The following SEMA6D variants were observed in gnomAD, a reference collection of about 807,000 sequenced individuals.
The protein encoded by SEMA6D is semaphorin-6D.
A neutral mutation model predicts 106.6 loss-of-function variants in SEMA6D; 35 were observed. The observed-to-expected ratio is 0.33, with a 90% CI of 0.25 to 0.44. SEMA6D has a LOEUF of 0.44. Ranked by LOEUF, SEMA6D falls within the 20% of genes least tolerant of loss-of-function variation. The probability of loss-of-function intolerance (pLI) is 1.00; values close to 1 mark genes in which losing one functional copy is unlikely to be tolerated. For missense variants in SEMA6D, 1,185 were observed against 1,345.9 expected (o/e 0.88, Z 1.87); for synonymous variants, 499 against 487.7 (o/e 1.02, Z -0.31).
intron 3 of SEMA6D, among the ~76,000 whole-genome samples, chr15:47,598,104 C>A (rs1389091632): frequency 6.6e-6 from 1 of 151,904 alleles, no homozygotes; most frequent in Non-Finnish European, 1.5e-5. Flanking sequence ...GGAGATTATA[C>A]TGTAAAGCAT....
intron 3 of SEMA6D, among the ~76,000 whole-genome samples, chr15:47,596,824 C>T (rs2076546274): frequency 6.6e-6 from 1 of 151,896 alleles, no homozygotes; most frequent in South Asian, 2.1e-4. Flanking sequence ...AACTGTAAAA[C>T]TAACTAGAAG....
chr15:47,358,049 G>C (rs1382487607), intron 1 of SEMA6D, among the ~76,000 whole-genome samples: 2 of 152,146 alleles, frequency 1.3e-5, no homozygotes, highest in Admixed American at 6.5e-5. Context: ...GTAGACTTCT[G>C]ATAGTTTTAG....
intron 3 of SEMA6D, among the ~76,000 whole-genome samples, chr15:47,481,760 T>C (rs1359390022): frequency 1.3e-5 from 2 of 152,160 alleles, no homozygotes; most frequent in East Asian, 3.9e-4. Context: ...ACTCTACTGC[T>C]GGGGAGGAGC....
chr15:47,204,004 T>A (rs2141113034), intron 1 of SEMA6D, among the ~76,000 whole-genome samples: 1 of 152,322 alleles, frequency 6.6e-6, no homozygotes, highest in East Asian at 1.9e-4. Flanking sequence ...AGCTATTAAT[T>A]ACAAACCTCC....
At chr15:47,741,486 G>A (rs1373414002) in intron 1 of SEMA6D, among the ~76,000 whole-genome samples, 3 of 152,214 alleles carry the variant, frequency 2.0e-5, no homozygotes, top group African/African-American at 7.2e-5. Context: ...GGAGGCCGAG[G>A]CGGGCAGATC....
chr15:47,245,682 G>A (rs944160417), intron 1 of SEMA6D, among the ~76,000 whole-genome samples: 11 of 152,162 alleles, frequency 7.2e-5, no homozygotes, highest in African/African-American at 2.7e-4. Flanking sequence ...TGCTAAGCAT[G>A]GAGTATAGTT....
At chr15:47,423,252 A>G (rs1450701890) in intron 2 of SEMA6D, among the ~76,000 whole-genome samples, 9 of 152,122 alleles carry the variant, frequency 5.9e-5, no homozygotes, top group Non-Finnish European at 1.3e-4. Flanking sequence ...CACACCAAAA[A>G]TAGAGACTCA....
intron 4 of SEMA6D, among the ~76,000 whole-genome samples, chr15:47,626,811 A>G (rs1268568704): frequency 6.6e-6 from 1 of 152,120 alleles, no homozygotes; most frequent in Non-Finnish European, 1.5e-5. Context: ...TTATCTACCA[A>G]AAAAGAAAAA....
At chr15:47,663,692 C>T (rs377340435) in intron 4 of SEMA6D, among the ~76,000 whole-genome samples, 3 of 152,092 alleles carry the variant, frequency 2.0e-5, no homozygotes, top group East Asian at 1.9e-4. Context: ...GAATTCGAGG[C>T]GCCTGTGAAT....
chr15:47,698,317 A>G (rs1044812894), intron 4 of SEMA6D, among the ~76,000 whole-genome samples: 24 of 152,252 alleles, frequency 1.6e-4, no homozygotes, highest in African/African-American at 5.1e-4. Flanking sequence ...AAGGGCCAGT[A>G]TCAGCTTAGG....
At chr15:47,231,686 C>T (rs2032206568) in intron 1 of SEMA6D, among the ~76,000 whole-genome samples, 1 of 151,866 alleles carries the variant, frequency 6.6e-6, no homozygotes, top group Non-Finnish European at 1.5e-5. Flanking sequence ...AAAACTGTGC[C>T]CCAGCAGTTT....
chr15:47,305,916 A>G (rs2143002346), intron 1 of SEMA6D, among the ~76,000 whole-genome samples: 1 of 152,192 alleles, frequency 6.6e-6, no homozygotes, highest in South Asian at 2.1e-4. Context: ...AGCACCTGCT[A>G]TTGGCCTTCT....
intron 1 of SEMA6D, among the ~76,000 whole-genome samples, chr15:47,285,989 A>G (rs922031001): frequency 1.3e-5 from 2 of 152,216 alleles, no homozygotes; most frequent in East Asian, 1.9e-4. Context: ...ATAATTAACT[A>G]AGAACAACCA....
intron 3 of SEMA6D, among the ~76,000 whole-genome samples, chr15:47,510,491 T>C (rs567079125): frequency 1.3e-5 from 2 of 152,356 alleles, no homozygotes; most frequent in East Asian, 1.9e-4. Flanking sequence ...TTGTTCAATA[T>C]ATATTTGTGG....
chr15:47,761,807 G>T, intron 7 of SEMA6D, 56 bp downstream of exon 7: 1 of 1,370,290 alleles, frequency 7.3e-7, no homozygotes, highest in Non-Finnish European at 1.0e-6. Context: ...AGGTGAAAAA[G>T]GAATTTAATG....
intron 1 of SEMA6D, among the ~76,000 whole-genome samples, chr15:47,346,745 G>A (rs1351035999): frequency 6.6e-6 from 1 of 151,790 alleles, no homozygotes; most frequent in Non-Finnish European, 1.5e-5. Context: ...TCTATCTTAA[G>A]TAAATTTTTA....
intron 4 of SEMA6D, among the ~76,000 whole-genome samples, chr15:47,637,405 C>T (rs1451987356): frequency 3.9e-5 from 6 of 152,166 alleles, no homozygotes. Flanking sequence ...ACTAATCTGA[C>T]TATGTCCTTA....
chr15:47,720,626 G>A (rs148543405), intron 1 of SEMA6D, among the ~76,000 whole-genome samples: 11 of 152,212 alleles, frequency 7.2e-5, no homozygotes, highest in African/African-American at 2.4e-4. Flanking sequence ...TCAATGTCGT[G>A]GTTTCTGTCG....
In SEMA6D at chr15:47,763,083, C is replaced by A. The variant is rs141276774; in HGVS notation, c.726C>A (p.Val242=). The change falls in exon 9 of 19, where the codon GTC becomes GTA. Residue 242 remains valine, a synonymous_variant. Coordinates refer to ENST00000536845, the MANE Select transcript of SEMA6D (RefSeq NM_001358351.3). The stretch of plus-strand genomic sequence containing the variant: ...ATTTCTTCTTTCGAGAAATCGCTGT[C>A]GAACATAATAATTTAGGCAAGGCAA... ...YVYFFFREIA[V]EHNNLGKAVY... The A allele has an allele frequency of 6.2e-7, 1 of 1,612,032 alleles. No individual in the cohort carries two copies. The highest frequency in any genetic ancestry group is 1.7e-5 in the Admixed American group (1 of 59,932).
Sources: allele counts gnomAD v4.1 joint callset (sites outside exome capture counted in the v4.1 genomes callset), GRCh38; gene constraint gnomAD v4.1.1; transcripts MANE v1.5; gene names NCBI Gene and HGNC (gene_info 2026-07-23, HGNC 2026-07-21).